Variants in SCN1A observed in about 807,000 individuals in gnomAD.
SCN1A encodes sodium voltage-gated channel alpha subunit 1, also known as sodium channel protein type 1 subunit alpha.
Under a neutral mutation model 193.7 loss-of-function variants are expected in SCN1A, and 13 were observed. The observed-to-expected ratio is 0.07, with a 90% CI of 0.04 to 0.11. The LOEUF is 0.11. Among genes scored for constraint, SCN1A ranks in the 10% least tolerant of loss-of-function variants. The pLI, the probability that SCN1A is intolerant of heterozygous loss-of-function variation, is 1.00. For synonymous variants in SCN1A, 781 were observed against 843.6 expected (o/e 0.93, Z 1.29); for missense variants, 1,432 against 2,451.1 (o/e 0.58, Z 8.78).
At chr2:166,103,664 TAAAGG>T (rs939656399) in intron 2 of SCN1A, among the ~76,000 whole-genome samples, 1 of 151,902 alleles carries the variant, frequency 6.6e-6, no homozygotes, top group African/African-American at 2.4e-5. Context: ...ACCAGGAAGA[TAAAGG>T]TAAAGGACTG....
chr2:166,093,861 T>C (rs576433669), intron 2 of SCN1A, among the ~76,000 whole-genome samples: 5 of 152,324 alleles, frequency 3.3e-5, no homozygotes, highest in African/African-American at 7.2e-5. Flanking sequence ...TGGAGGAAGT[T>C]TGAGATTTAA....
At position 166,051,642 on chromosome 2, in the gene SCN1A, C is replaced by G. The variant is rs1055376831; in HGVS notation, c.964+77G>C. 4.3e-6 allele frequency: 5 copies of G among 1,158,334 alleles called. No homozygotes were observed. In the African/African-American group the frequency reaches 7.7e-5, roughly 18 times the overall value. 71.8% of individuals were successfully genotyped at this position (1,158,334 alleles called of 1,614,324 possible). A position where few individuals can be genotyped will look rare whatever the true frequency, so the allele number is the denominator to read the frequency against. Reference sequence around the variant, plus strand: ...ATCATGTAAAATGGGATATCCAGCCCCTCAAGTATTTATCCTTTGTGTTAC... The same window carrying G: ...ATCATGTAAAATGGGATATCCAGCCGCTCAAGTATTTATCCTTTGTGTTAC... On this transcript the variant is annotated intron_variant, in intron 9 of 28. Transcript: ENST00000674923.
At chr2:166,147,270 C>CA (rs1207117767) in intron 1 of SCN1A, among the ~76,000 whole-genome samples, 1 of 152,036 alleles carries the variant, frequency 6.6e-6, no homozygotes. Context: ...ATAATCTCAC[C>CA]AAAAAATGTA....
intron 1 of SCN1A, among the ~76,000 whole-genome samples, chr2:166,135,267 T>G (rs1474505382): frequency 2.6e-5 from 4 of 152,244 alleles, no homozygotes; most frequent in Non-Finnish European, 4.4e-5. Flanking sequence ...TTAGATTTTT[T>G]TAATAAAGAG....
At chr2:166,095,482 A>C (rs937800240) in intron 2 of SCN1A, among the ~76,000 whole-genome samples, 1 of 152,190 alleles carries the variant, frequency 6.6e-6, no homozygotes, top group South Asian at 2.1e-4. Context: ...CATTTTAACA[A>C]AGGGGGATTG....
intron 19 of SCN1A, among the ~76,000 whole-genome samples, chr2:166,021,013 A>G (rs1415031735): frequency 6.6e-6 from 1 of 152,220 alleles, no homozygotes; most frequent in African/African-American, 2.4e-5. Context: ...AAGTGTATAC[A>G]TCTTTCAGGA....
chr2:166,100,770 A>G (rs1306350824), intron 2 of SCN1A, among the ~76,000 whole-genome samples: 1 of 116,166 alleles, frequency 8.6e-6, no homozygotes, highest in African/African-American at 3.3e-5. Context: ...GCTCATCATC[A>G]CTGGCCATCA....
At chr2:166,066,849 C>G (rs4667869) in intron 4 of SCN1A, among the ~76,000 whole-genome samples, 34,656 of 152,060 alleles carry the variant, frequency 0.23, 4,195 homozygotes, top group East Asian at 0.36. Flanking sequence ...TACCTAAATA[C>G]TTGTTGGGAA....
intron 24 of SCN1A, among the ~76,000 whole-genome samples, 195 bp downstream of exon 24, chr2:166,002,277 C>T (rs1690987157): frequency 6.6e-6 from 1 of 151,684 alleles, no homozygotes; most frequent in African/African-American, 2.4e-5. Flanking sequence ...CTGGTCACTA[C>T]TGACTATATC....
chr2:166,118,100 A>G (rs1690075590), intron 2 of SCN1A, among the ~76,000 whole-genome samples: 1 of 151,314 alleles, frequency 6.6e-6, no homozygotes, highest in African/African-American at 2.4e-5. Context: ...TCAGCAGAGT[A>G]TGCAAAAACA....
At chr2:166,061,074 A>G (rs1233411713) in intron 4 of SCN1A, among the ~76,000 whole-genome samples, 1 of 152,160 alleles carries the variant, frequency 6.6e-6, no homozygotes, top group Non-Finnish European at 1.5e-5. Flanking sequence ...GAGTGTGAGG[A>G]TAATCAAGAT....
At position 166,041,374 on chromosome 2, in the gene SCN1A, T is replaced by G. The variant is rs1553543316; in HGVS notation, c.2272A>C (p.Lys758Gln). The G allele has an allele frequency of 6.2e-7, 1 of 1,613,800 alleles. No individual in the cohort carries two copies. Among genetic ancestry groups the G allele is most frequent in the Non-Finnish European group, 8.5e-7 (1 of 1,179,840 alleles). The change falls in exon 16 of 29, where the codon AAA becomes CAA. Residue 758 changes from lysine to glutamine, a missense_variant. Physicochemically the swap from Lys to Gln is moderately conservative, Grantham distance 53 (BLOSUM62 1). Around this residue, in one of 18 missense-constraint regions of SCN1A, gnomAD observed 316 missense variants for 362.1 expected, o/e 0.87. Transcript: ENST00000674923. The stretch of plus-strand genomic sequence containing the variant: ...ATCACAACCAGGTTGACAACATGTT[T>G]CACTTTTAACCAATATGGAGAACAG... ...WDCSPYWLKV[K>Q]HVVNLVVMDP...
intron 2 of SCN1A, among the ~76,000 whole-genome samples, chr2:166,090,827 T>A (rs1686723922): frequency 6.6e-6 from 1 of 152,206 alleles, no homozygotes; most frequent in Non-Finnish European, 1.5e-5. Flanking sequence ...AAGTCTAATA[T>A]TTTATATCTA....
chr2:166,055,379 T>C (rs1699025476), intron 6 of SCN1A, among the ~76,000 whole-genome samples: 1 of 151,924 alleles, frequency 6.6e-6, no homozygotes, highest in Non-Finnish European at 1.5e-5. Flanking sequence ...GAGAGTGGCA[T>C]AAAATCACAA....
At chr2:166,046,427 T>A in intron 12 of SCN1A, among the ~76,000 whole-genome samples, 1 of 152,170 alleles carries the variant, frequency 6.6e-6, no homozygotes, top group East Asian at 1.9e-4. Flanking sequence ...CTTCATATGA[T>A]AACCAATAAT....
intron 21 of SCN1A, 141 bp from the exon 22 acceptor site, chr2:166,012,423 T>C (rs1395992300): frequency 3.1e-6 from 2 of 655,146 alleles, no homozygotes; most frequent in Non-Finnish European, 5.2e-6. Flanking sequence ...TTTTTTTTTT[T>C]CCTCGCAAAG....
At chr2:166,085,871 G>A (rs562623287) in intron 2 of SCN1A, among the ~76,000 whole-genome samples, 13 of 152,200 alleles carry the variant, frequency 8.5e-5, no homozygotes, top group South Asian at 6.2e-4. Context: ...ATGGATTATT[G>A]TTCAGAGAAG....
intron 5 of SCN1A, among the ~76,000 whole-genome samples, chr2:166,056,964 C>T (rs1019978547): frequency 4.6e-5 from 7 of 152,040 alleles, no homozygotes; most frequent in Admixed American, 2.0e-4. Flanking sequence ...CACAGTTCAA[C>T]GCATGAAAAC....
chr2:166,093,307 G>C (rs1687021371), intron 2 of SCN1A, among the ~76,000 whole-genome samples: 1 of 151,556 alleles, frequency 6.6e-6, no homozygotes, highest in South Asian at 2.1e-4. Context: ...GCTTACTTGG[G>C]TTTTGGCCTA....
Sources: gnomAD v4.1 joint callset for allele counts (sites outside exome capture counted in the v4.1 genomes callset) on GRCh38, gnomAD v4.1.1 for gene constraint, gnomAD v4.1.1 regional missense constraint, MANE v1.5 for transcripts, NCBI Gene and HGNC (gene_info 2026-07-23, HGNC 2026-07-21) for gene names.